OSBPL6: variants seen among roughly 807,000 people sequenced by gnomAD.
OSBPL6 encodes the protein oxysterol binding protein like 6.
OSBPL6 carries 49 observed loss-of-function variants against 125.8 expected under a neutral mutation model. That is an observed-to-expected ratio of 0.39 (90% CI 0.31 to 0.49). The LOEUF (loss-of-function observed/expected upper bound fraction) is 0.49, where lower values mean the gene tolerates loss of function less well. OSBPL6 is among the 20% of genes least tolerant of loss of function. OSBPL6 has a pLI of 0.88. For missense variants in OSBPL6, 986 were observed against 1,135.4 expected (o/e 0.87, Z 1.89); for synonymous variants, 394 against 391.8 (o/e 1.01, Z -0.07).
At chr2:178,344,220 C>CTT (rs975185116) in intron 11 of OSBPL6, 106 of 1,351,700 alleles carry the variant, frequency 7.8e-5, no homozygotes, top group Non-Finnish European at 9.7e-5. Context: ...ATCTTTCATC[C>CTT]TCCCATCTTC....
chr2:178,383,895 A>T (rs1365191392), intron 17 of OSBPL6, 144 bp from the exon 18 acceptor site: 26 of 1,004,182 alleles, frequency 2.6e-5, no homozygotes, highest in Non-Finnish European at 3.7e-5. Context: ...GTTGATAAAA[A>T]TTCTGTACAG....
In OSBPL6 at chr2:178,373,338, T is replaced by A. The variant is rs541336464; in HGVS notation, c.1396-552T>A. Among the ~76,000 whole-genome samples the A allele has an allele frequency of 7.3e-3, 1,116 of 152,216 alleles. 15 individuals carry two copies. Among genetic ancestry groups the A allele is most frequent in the African/African-American group, 0.026 (1,067 of 41,552 alleles). On this transcript the variant is annotated intron_variant, in intron 14 of 24. Transcript: ENST00000190611. Reference sequence around the variant, plus strand: ...ATATATACATTTCTCTTACATTTTTTATTGAAACTTAAATAGCTTCCTTGA... The same window carrying A: ...ATATATACATTTCTCTTACATTTTTAATTGAAACTTAAATAGCTTCCTTGA...
chr2:178,224,390 A>G (rs1186018746), intron 1 of OSBPL6, among the ~76,000 whole-genome samples: 1 of 152,204 alleles, frequency 6.6e-6, no homozygotes, highest in African/African-American at 2.4e-5. Flanking sequence ...CTATCTAGAG[A>G]GGGAAAAAGA....
In OSBPL6 at chr2:178,389,024, T is replaced by C. The variant is rs1413719120; in HGVS notation, c.2172T>C (p.Tyr724=). The C allele has an allele frequency of 6.2e-7, 1 of 1,613,916 alleles. No individual in the cohort carries two copies. The highest frequency in any genetic ancestry group is 1.7e-5 in the Admixed American group (1 of 60,032). ...NVMLPKYGDY[Y]VWNKVTTCIH... is the part of the protein sequence containing the mutation. ...TCTTCACTAGGTATGGAGATTACTATGTGTGGAATAAAGTCACCACTTGCA... is the reference window on the plus strand; with the variant it reads ...TCTTCACTAGGTATGGAGATTACTACGTGTGGAATAAAGTCACCACTTGCA... Residue 724 remains tyrosine, a synonymous_variant, in exon 21 of 25, where the codon TAT becomes TAC. Coordinates refer to ENST00000190611, the MANE Select transcript of OSBPL6 (RefSeq NM_032523.4).
At position 178,306,277 on chromosome 2, in the gene OSBPL6, C is replaced by T; in HGVS notation, c.93C>T (p.Asp31=). The T allele has an allele frequency of 6.2e-7, 1 of 1,607,338 alleles. No individual in the cohort carries two copies. The highest frequency in any genetic ancestry group is 8.5e-7 in the Non-Finnish European group (1 of 1,173,890). ...SASSSTSSQR[D]SRQSIHILER... is the part of the protein sequence containing the mutation. ...CCTCTTCAACATCCTCCCAAAGGGACAGTAGGCAGGTAAGAGAAGAGCATT... is the reference window on the plus strand; with the variant it reads ...CCTCTTCAACATCCTCCCAAAGGGATAGTAGGCAGGTAAGAGAAGAGCATT... The change falls in exon 3 of 25, where the codon GAC becomes GAT. Residue 31 remains aspartate (D), a synonymous_variant. Coordinates refer to ENST00000190611, the MANE Select transcript of OSBPL6 (RefSeq NM_032523.4).
intron 15 of OSBPL6, among the ~76,000 whole-genome samples, chr2:178,380,832 G>A (rs569679515): frequency 6.6e-6 from 1 of 152,248 alleles, no homozygotes; most frequent in Non-Finnish European, 1.5e-5. Flanking sequence ...AAATAAAGTA[G>A]CTGTAGCTAC....
intron 1 of OSBPL6, among the ~76,000 whole-genome samples, chr2:178,250,616 G>T (rs974996558): frequency 1.1e-4 from 16 of 152,078 alleles, no homozygotes; most frequent in Admixed American, 3.9e-4. Context: ...CTTCCTCAGG[G>T]CTTCTGCACC....
intron 1 of OSBPL6, among the ~76,000 whole-genome samples, chr2:178,263,806 CGTGTGTGT>C (rs71393413): frequency 1.0e-4 from 15 of 147,896 alleles, no homozygotes; most frequent in South Asian, 2.2e-4. Flanking sequence ...ACTGTGTACA[CGTGTGTGT>C]GTGTGTGTGT....
intron 12 of OSBPL6, among the ~76,000 whole-genome samples, chr2:178,354,858 G>A (rs1047231580): frequency 8.6e-5 from 12 of 140,134 alleles, no homozygotes; most frequent in Non-Finnish European, 1.4e-4. Flanking sequence ...CTCAGCAAAT[G>A]TAAAAAACAG....
At chr2:178,287,626 G>A (rs916703150) in intron 2 of OSBPL6, among the ~76,000 whole-genome samples, 3 of 152,004 alleles carry the variant, frequency 2.0e-5, no homozygotes, top group South Asian at 4.1e-4. Context: ...TTTTTTGAAG[G>A]GGAATTTCAG....
chr2:178,203,948 G>A (rs1002601911), intron 1 of OSBPL6, among the ~76,000 whole-genome samples: 1 of 151,782 alleles, frequency 6.6e-6, no homozygotes, highest in African/African-American at 2.4e-5. Context: ...GTGCGTTCTA[G>A]TGTTTTTTTC....
At position 178,243,995 on chromosome 2, in the gene OSBPL6, G is replaced by T. The variant is rs112112845; in HGVS notation, c.-350-40932G>T. 4.7e-3 allele frequency among the ~76,000 whole-genome samples: 720 copies of T among 152,170 alleles called. 11 individuals are homozygous for T. Among genetic ancestry groups the T allele is most frequent in the African/African-American group, 0.016 (681 of 41,510 alleles). On this transcript the variant is annotated intron_variant, in intron 1 of 24. Coordinates refer to ENST00000190611, the MANE Select transcript of OSBPL6 (RefSeq NM_032523.4). The stretch of plus-strand genomic sequence containing the variant: ...ACAAATCTGATCCTTTTTCTGCTCT[G>T]TTTAAAGTCTTTCACCATCTCCCAT...
At chr2:178,241,111 C>T (rs925855473) in intron 1 of OSBPL6, among the ~76,000 whole-genome samples, 1 of 151,888 alleles carries the variant, frequency 6.6e-6, no homozygotes, top group African/African-American at 2.4e-5. Flanking sequence ...ACTAATGCCA[C>T]TCTGCATGTA....
At chr2:178,370,229 C>T (rs1693248770) in intron 13 of OSBPL6, among the ~76,000 whole-genome samples, 1 of 152,184 alleles carries the variant, frequency 6.6e-6, no homozygotes, top group African/African-American at 2.4e-5. Context: ...CACACCACTG[C>T]ACTCCAGCCT....
intron 3 of OSBPL6, among the ~76,000 whole-genome samples, chr2:178,312,041 G>T (rs1191312229): frequency 6.6e-6 from 1 of 152,088 alleles, no homozygotes; most frequent in Non-Finnish European, 1.5e-5. Context: ...GAGTGCAGTG[G>T]TGCCATCTCA....
intron 12 of OSBPL6, among the ~76,000 whole-genome samples, chr2:178,350,335 T>C (rs1038755702): frequency 3.9e-5 from 6 of 152,186 alleles, no homozygotes; most frequent in African/African-American, 1.4e-4. Context: ...GTTCTTAAGA[T>C]AGTATCTTCT....
chr2:178,313,506 AAAG>A (rs1687474743), intron 3 of OSBPL6, among the ~76,000 whole-genome samples: 1 of 152,208 alleles, frequency 6.6e-6, no homozygotes, highest in Admixed American at 6.5e-5. Context: ...ATGAAAAATC[AAAG>A]AAGAAAAAGC....
In OSBPL6 at chr2:178,239,941, T is replaced by A. The variant is rs188568187; in HGVS notation, c.-350-44986T>A. 3.0e-3 allele frequency among the ~76,000 whole-genome samples: 451 copies of A among 152,208 alleles called. 5 individuals carry two copies. Among genetic ancestry groups the A allele is most frequent in the African/African-American group, 0.01 (430 of 41,542 alleles). ...CGTGCTCAGCCTGAACTTCATTTTT[T>A]AAAAAAATCAAATTTTAATACTTTG... On this transcript the variant is annotated intron_variant, in intron 1 of 24. Transcript: ENST00000190611.
intron 1 of OSBPL6, among the ~76,000 whole-genome samples, chr2:178,283,758 G>C (rs891974142): frequency 2.0e-5 from 3 of 152,178 alleles, no homozygotes; most frequent in Admixed American, 1.3e-4. Context: ...GCCTCAGGCT[G>C]CTTCCATTCG....
Sources: gnomAD v4.1 joint callset for allele counts (sites outside exome capture counted in the v4.1 genomes callset) on GRCh38, gnomAD v4.1.1 for gene constraint, MANE v1.5 for transcripts, NCBI Gene and HGNC (gene_info 2026-07-23, HGNC 2026-07-21) for gene names.